The following CEMIP2 variants were observed in gnomAD, a reference collection of about 807,000 sequenced individuals.
CEMIP2 encodes cell surface hyaluronidase CEMIP2.
In CEMIP2, 79 loss-of-function variants were observed where a neutral mutation model predicts 146.9. The observed-to-expected ratio is 0.54, with a 90% CI of 0.45 to 0.65. The LOEUF (loss-of-function observed/expected upper bound fraction) is 0.65. Ranked by LOEUF, CEMIP2 falls within the 30% of genes least tolerant of loss-of-function variation. The pLI is 0.00. For missense variants in CEMIP2, 1,596 were observed against 1,696.2 expected (o/e 0.94, Z 1.04); for synonymous variants, 601 against 606.3 (o/e 0.99, Z 0.13).
At chr9:71,765,994 T>C (rs1010887070) in intron 1 of CEMIP2, among the ~76,000 whole-genome samples, 1 of 152,166 alleles carries the variant, frequency 6.6e-6, no homozygotes, top group South Asian at 2.1e-4. Flanking sequence ...CACATCACAA[T>C]GCACACATTT....
Position 71,685,187 on chromosome 9 carries a change from C to A in CEMIP2, c.*10G>T. 6.3e-7 allele frequency: 1 copy of A among 1,578,524 alleles called. No homozygotes were observed. Among genetic ancestry groups the A allele is most frequent in the Non-Finnish European group, 8.6e-7 (1 of 1,161,176 alleles). On this transcript the variant is annotated 3_prime_UTR_variant, in exon 24 of 24. Transcript: ENST00000377044. ...TTTTTTTCCCCCAGCACTTAAGTTACAGTTAGTCTCTAATGTGCTTTTGAA... is the reference window on the plus strand; with the variant it reads ...TTTTTTTCCCCCAGCACTTAAGTTAAAGTTAGTCTCTAATGTGCTTTTGAA...
chr9:71,760,363 G>T (rs1203071811), intron 1 of CEMIP2, among the ~76,000 whole-genome samples: 5 of 152,152 alleles, frequency 3.3e-5, no homozygotes, highest in Non-Finnish European at 7.3e-5. Context: ...ACAAAGAGCT[G>T]CTATTTATAA....
At chr9:71,718,295 AGTTT>A (rs1458117261) in intron 12 of CEMIP2, among the ~76,000 whole-genome samples, 2 of 152,202 alleles carry the variant, frequency 1.3e-5, no homozygotes, top group Non-Finnish European at 1.5e-5. Context: ...ACATCTTCTT[AGTTT>A]GTTTTTGAAA....
At chr9:71,740,352 TG>T in intron 4 of CEMIP2, 120 bp from the exon 5 acceptor site, 1 of 1,239,698 alleles carries the variant, frequency 8.1e-7, no homozygotes, top group South Asian at 1.5e-5. Flanking sequence ...CAATCCCTAA[TG>T]TTTTTTCTAT....
Position 71,740,217 on chromosome 9 carries a change from T to C in CEMIP2, c.1050A>G (p.Leu350=). The part of the protein sequence containing the change: ...QGLGYRQAWA[L]VGVIDGGSTS... Reference sequence around the variant, plus strand: ...TGCTTCCACCATCAATGACACCAACTAAAGCCCAAGCTTGCCTAGAAGGAA... The same window carrying C: ...TGCTTCCACCATCAATGACACCAACCAAAGCCCAAGCTTGCCTAGAAGGAA... The change falls in exon 5 of 24, where the codon TTA becomes TTG. Residue 350 remains leucine, a synonymous_variant. Coordinates refer to ENST00000377044, the MANE Select transcript of CEMIP2 (RefSeq NM_013390.3). 6.2e-7 allele frequency: 1 copy of C among 1,613,638 alleles called. No individual in the cohort carries two copies. Among genetic ancestry groups the C allele is most frequent in the Non-Finnish European group, 8.5e-7 (1 of 1,180,014 alleles).
rs530713047 is a variant in CEMIP2, at chr9:71,685,160, AT to A, written c.*36del. ...CCATAAATTAAATAAGTTAGTTCAC[AT>A]TTTTTTTCCCCCAGCACTTAAGTTA... On this transcript the variant is annotated 3_prime_UTR_variant, in exon 24 of 24. Coordinates refer to ENST00000377044, the MANE Select transcript of CEMIP2 (RefSeq NM_013390.3). 135 of 1,517,880 alleles carry A rather than the reference AT, an allele frequency of 8.9e-5. No homozygotes were observed. The highest frequency in any genetic ancestry group is 1.6e-4 in the South Asian group (12 of 77,198). 94.0% of individuals were successfully genotyped at this position (1,517,880 alleles called of 1,614,324 possible). A position where few individuals can be genotyped will look rare whatever the true frequency, so the allele number is the denominator to read the frequency against.
At chr9:71,752,350 A>G (rs1824277609) in intron 1 of CEMIP2, among the ~76,000 whole-genome samples, 1 of 150,892 alleles carries the variant, frequency 6.6e-6, no homozygotes, top group African/African-American at 2.4e-5. Flanking sequence ...TTACACACAA[A>G]AACAAGGAAG....
chr9:71,758,252 A>G lies in CEMIP2; in HGVS notation c.-12-7867T>C, dbSNP rs539191825. On this transcript the variant is annotated intron_variant, in intron 1 of 23. Coordinates refer to ENST00000377044, the MANE Select transcript of CEMIP2 (RefSeq NM_013390.3). ...GTATTAGCATACTCTCAAAGAATTGAAAACCCTTAGACCTCTAAACAGGTG... is the reference window on the plus strand; with the variant it reads ...GTATTAGCATACTCTCAAAGAATTGGAAACCCTTAGACCTCTAAACAGGTG... Among the ~76,000 whole-genome samples the G allele has an allele frequency of 2.0e-5, 3 of 152,346 alleles. No homozygotes were observed. The East Asian group carries it at 5.8e-4, about 29-fold the overall frequency.
chr9:71,693,443 A>G (rs552260344), intron 21 of CEMIP2, among the ~76,000 whole-genome samples: 221 of 152,354 alleles, frequency 1.5e-3, no homozygotes, highest in African/African-American at 5.2e-3. Flanking sequence ...AGAAAAGACA[A>G]CTAACACTTT....
chr9:71,726,850 A>T (rs1823399347), intron 10 of CEMIP2, among the ~76,000 whole-genome samples: 1 of 152,074 alleles, frequency 6.6e-6, no homozygotes, highest in Non-Finnish European at 1.5e-5. Context: ...TCAGAAGAAA[A>T]CTCCATACCA....
chr9:71,687,346 G>A (rs991846359), intron 22 of CEMIP2: 2 of 152,144 alleles, frequency 1.3e-5, no homozygotes, highest in Non-Finnish European at 2.9e-5. Flanking sequence ...TATCTTCCAT[G>A]AAACTGGTCC....
At chr9:71,715,212 C>A in intron 14 of CEMIP2, 123 bp from the exon 15 acceptor site, 8 of 766,376 alleles carry the variant, frequency 1.0e-5, no homozygotes, top group Non-Finnish European at 1.6e-5. Flanking sequence ...TTTTCTAATA[C>A]ACATTCACAA....
In CEMIP2 at chr9:71,745,475, T is replaced by C. The variant is rs1257059621; in HGVS notation, c.577A>G (p.Lys193Glu). 6.2e-7 allele frequency: 1 copy of C among 1,614,062 alleles called. No homozygotes were observed. Among genetic ancestry groups the C allele is most frequent in the Admixed American group, 1.7e-5 (1 of 60,016 alleles). ...DGGALHIGAE[K>E]CRYKSKATIT... ...GTCGCTTTGGATTTATAGCGGCATT[T>C]TTCTGCTCCAATATGAAGCGCCCCA... Residue 193 changes from lysine to glutamate, a missense_variant, in exon 4 of 24, where the codon AAA becomes GAA. Transcript: ENST00000377044.
intron 21 of CEMIP2, among the ~76,000 whole-genome samples, chr9:71,690,809 A>G (rs1260447592): frequency 1.3e-5 from 2 of 152,244 alleles, no homozygotes; most frequent in East Asian, 1.9e-4. Flanking sequence ...ACAAAGTACT[A>G]CTACATTTAT....
intron 12 of CEMIP2, among the ~76,000 whole-genome samples, chr9:71,720,245 T>TTGGA (rs1823194936): frequency 6.6e-6 from 1 of 151,376 alleles, no homozygotes; most frequent in South Asian, 2.1e-4. Context: ...ATTCCTATAT[T>TTGGA]TTCACGTCTT....
At chr9:71,768,931 G>A (rs1486996125), upstream of CEMIP2, 2 of 151,944 alleles carry the variant, frequency 1.3e-5, no homozygotes, top group Admixed American at 6.6e-5. Context: ...GGAGAGCGAG[G>A]GAGGCGGAGG....
chr9:71,713,458 G>A (rs1161519250), intron 15 of CEMIP2, among the ~76,000 whole-genome samples: 2 of 152,084 alleles, frequency 1.3e-5, no homozygotes, highest in African/African-American at 4.8e-5. Flanking sequence ...CCAGTCTCAG[G>A]TATGTCTTTA....
At chr9:71,737,533 A>G (rs1823798250) in intron 5 of CEMIP2, among the ~76,000 whole-genome samples, 1 of 152,194 alleles carries the variant, frequency 6.6e-6, no homozygotes, top group Non-Finnish European at 1.5e-5. Flanking sequence ...GGAACAACCA[A>G]TAATATGTAT....
In CEMIP2 at chr9:71,712,124, T is replaced by C. The variant is rs751798156; in HGVS notation, c.2728A>G (p.Thr910Ala). ...ACGAGGGAGATATTATTCCTGGGGGTTATCTGCCAGGAATTCTTCATGAGG... is the reference window on the plus strand; with the variant it reads ...ACGAGGGAGATATTATTCCTGGGGGCTATCTGCCAGGAATTCTTCATGAGG... ...GFLMKNSWQI[T>A]PRNNISLVKF... Residue 910 changes from threonine (T) to alanine (A), a missense_variant, in exon 16 of 24, where the codon ACC (threonine) becomes GCC (alanine). Thr to Ala is a moderately conservative substitution (Grantham distance 58). Transcript: ENST00000377044. 5 of 1,614,040 alleles carry C rather than the reference T, an allele frequency of 3.1e-6. No individual in the cohort carries two copies. Among genetic ancestry groups the C allele is most frequent in the East Asian group, 4.5e-5 (2 of 44,882 alleles).
Sources: gnomAD v4.1 joint callset for allele counts (sites outside exome capture counted in the v4.1 genomes callset) on GRCh38, gnomAD v4.1.1 for gene constraint, MANE v1.5 for transcripts, NCBI Gene and HGNC (gene_info 2026-07-23, HGNC 2026-07-21) for gene names.